Variants in SLC9B1 observed in about 807,000 individuals in gnomAD.
SLC9B1 encodes sodium/hydrogen exchanger 9B1.
A neutral mutation model predicts 51.7 loss-of-function variants in SLC9B1; 32 were observed. The observed-to-expected ratio is 0.62, with a 90% CI of 0.47 to 0.83. SLC9B1 has a LOEUF of 0.83. SLC9B1 is among the 40% of genes least tolerant of loss of function. The pLI is 0.00. For missense variants in SLC9B1, 406 were observed against 613.2 expected, an observed-to-expected ratio of 0.66 and a Z score of 3.57; for synonymous variants, 145 against 212.7, an observed-to-expected ratio of 0.68 and a Z score of 2.77.
intron 11 of SLC9B1, among the ~76,000 whole-genome samples, chr4:102,902,851 A>T (rs1734852058): frequency 6.6e-6 from 1 of 152,206 alleles, no homozygotes; most frequent in South Asian, 2.1e-4. Context: ...TCTAATTTTT[A>T]TCAGTAACTC....
chr4:102,954,021 G>A (rs1395945965), intron 3 of SLC9B1, among the ~76,000 whole-genome samples: 2 of 43,084 alleles, frequency 4.6e-5, no homozygotes, highest in Admixed American at 3.2e-4. Context: ...GAATAGGAGC[G>A]GTGAGAGAGG....
chr4:102,997,416 T>A (rs1392574962), intron 1 of SLC9B1, among the ~76,000 whole-genome samples: 3 of 152,200 alleles, frequency 2.0e-5, no homozygotes, highest in Non-Finnish European at 4.4e-5. Flanking sequence ...TTTTTAGGTA[T>A]TTTATGTTTT....
chr4:102,996,994 A>G (rs1279892996), intron 1 of SLC9B1, among the ~76,000 whole-genome samples: 1 of 151,378 alleles, frequency 6.6e-6, no homozygotes, highest in Non-Finnish European at 1.5e-5. Flanking sequence ...AAGACTCACT[A>G]TATTGCTCAG....
intron 7 of SLC9B1, among the ~76,000 whole-genome samples, chr4:102,925,545 G>T (rs1736117627): frequency 6.6e-6 from 1 of 151,800 alleles, no homozygotes; most frequent in Non-Finnish European, 1.5e-5. Flanking sequence ...AGAACTTAAA[G>T]TATAATAACA....
At chr4:103,010,117 G>C (rs1191278475) in intron 1 of SLC9B1, among the ~76,000 whole-genome samples, 1 of 152,164 alleles carries the variant, frequency 6.6e-6, no homozygotes, top group Non-Finnish European at 1.5e-5. Flanking sequence ...CCACAATAAA[G>C]TGACACGGTG....
downstream of SLC9B1, among the ~76,000 whole-genome samples, chr4:102,898,597 A>G (rs1440721464): frequency 6.6e-6 from 1 of 152,264 alleles, no homozygotes; most frequent in Non-Finnish European, 1.5e-5. Context: ...GTTTTAAGTA[A>G]CAGAATTGAT....
intron 3 of SLC9B1, among the ~76,000 whole-genome samples, chr4:102,967,251 T>C (rs1738477195): frequency 6.6e-6 from 1 of 152,186 alleles, no homozygotes; most frequent in Non-Finnish European, 1.5e-5. Flanking sequence ...TTTATGGCAA[T>C]ACAGTCTTTT....
At chr4:103,008,805 T>C (rs1344677796) in intron 1 of SLC9B1, among the ~76,000 whole-genome samples, 1 of 147,464 alleles carries the variant, frequency 6.8e-6, no homozygotes, top group Non-Finnish European at 1.5e-5. Context: ...TTCTTTTTTT[T>C]TTTTTTTTTT....
intron 3 of SLC9B1, among the ~76,000 whole-genome samples, chr4:102,965,717 G>A (rs1267580959): frequency 6.6e-6 from 1 of 151,784 alleles, no homozygotes; most frequent in Non-Finnish European, 1.5e-5. Flanking sequence ...ACAATTCAAA[G>A]GTCAAAGTCC....
intron 7 of SLC9B1, among the ~76,000 whole-genome samples, chr4:102,916,586 C>G (rs1466270457): frequency 4.6e-5 from 7 of 152,142 alleles, no homozygotes; most frequent in Non-Finnish European, 8.8e-5. Context: ...CCAATTGGAC[C>G]TATCTGACAT....
chr4:102,965,436 A>G (rs1228107334), intron 3 of SLC9B1, among the ~76,000 whole-genome samples: 3 of 152,154 alleles, frequency 2.0e-5, no homozygotes, highest in Admixed American at 2.0e-4. Flanking sequence ...CAGGGTAACT[A>G]ATCTATTCCC....
chr4:102,904,493 C>T (rs1289297971), intron 11 of SLC9B1, among the ~76,000 whole-genome samples: 1 of 151,842 alleles, frequency 6.6e-6, no homozygotes, highest in East Asian at 1.9e-4. Context: ...TTAGGAAGTA[C>T]TTATTGAAAG....
intron 3 of SLC9B1, among the ~76,000 whole-genome samples, chr4:102,975,586 AT>A (rs1197166005): frequency 0.022 from 1,396 of 62,124 alleles, 1 homozygote; most frequent in Non-Finnish European, 0.027. Flanking sequence ...ATATATATAT[AT>A]TTTTTTTTTT....
intron 3 of SLC9B1, among the ~76,000 whole-genome samples, chr4:102,975,815 G>A (rs912070379): frequency 4.0e-5 from 6 of 151,326 alleles, no homozygotes; most frequent in East Asian, 1.9e-4. Flanking sequence ...TGATCTGCCC[G>A]CCTCAGCCCC....
At chr4:103,009,264 T>A (rs1465435312) in intron 1 of SLC9B1, among the ~76,000 whole-genome samples, 4 of 152,234 alleles carry the variant, frequency 2.6e-5, no homozygotes, top group African/African-American at 9.6e-5. Flanking sequence ...GGTGTGTCCA[T>A]ACACAATACT....
At chr4:102,941,119 C>A (rs1246949021) in intron 6 of SLC9B1, among the ~76,000 whole-genome samples, 2 of 152,062 alleles carry the variant, frequency 1.3e-5, no homozygotes, top group Non-Finnish European at 2.9e-5. Context: ...ATGAAGACGC[C>A]AAAAACAATT....
At chr4:102,986,728 G>A (rs1739644934) in intron 3 of SLC9B1, among the ~76,000 whole-genome samples, 1 of 152,074 alleles carries the variant, frequency 6.6e-6, no homozygotes, top group Non-Finnish European at 1.5e-5. Context: ...CTCAAGCCCG[G>A]AGATTCTTTC....
intron 3 of SLC9B1, among the ~76,000 whole-genome samples, chr4:102,975,582 A>ATTTTTTT (rs1361023040): frequency 9.7e-4 from 71 of 73,494 alleles, no homozygotes; most frequent in South Asian, 2.6e-3. Flanking sequence ...ATATATATAT[A>ATTTTTTT]TATATTTTTT....
intron 3 of SLC9B1, among the ~76,000 whole-genome samples, chr4:102,986,436 A>C (rs1213888459): frequency 1.3e-5 from 2 of 152,070 alleles, no homozygotes; most frequent in Non-Finnish European, 2.9e-5. Context: ...TGAATATGAT[A>C]TGGCTAGGTG....
Sources: allele counts gnomAD v4.1 joint callset (sites outside exome capture counted in the v4.1 genomes callset), GRCh38; gene constraint gnomAD v4.1.1; transcripts MANE v1.5; gene names NCBI Gene and HGNC (gene_info 2026-07-23, HGNC 2026-07-21).